Variants in CFTR observed in about 807,000 individuals in gnomAD.
The protein encoded by CFTR is CF transmembrane conductance regulator, also known as cystic fibrosis transmembrane conductance regulator.
A neutral mutation model predicts 171.6 loss-of-function variants in CFTR; 181 were observed. That is an observed-to-expected ratio of 1.05 (90% CI 0.93 to 1.19). CFTR has a LOEUF of 1.19. Ranked by LOEUF, CFTR falls within the 50% of genes most tolerant of loss-of-function variation. The pLI, the probability that CFTR is intolerant of heterozygous loss-of-function variation, is 0.00. For synonymous variants in CFTR, 583 were observed against 608.0 expected, an observed-to-expected ratio of 0.96 and a Z score of 0.60; for missense variants, 1,968 against 1,734.7, an observed-to-expected ratio of 1.13 and a Z score of -2.39.
intron 15 of CFTR, among the ~76,000 whole-genome samples, chr7:117,595,686 C>A (rs2116041393): frequency 6.6e-6 from 1 of 151,930 alleles, no homozygotes. Context: ...GGGTCAAGAC[C>A]AGCCTGGGCA....
chr7:117,592,349 T>C lies in CFTR; in HGVS notation c.2182T>C (p.Ser728Pro). The C allele has an allele frequency of 6.2e-7, 1 of 1,614,214 alleles. No individual in the cohort carries two copies. The highest frequency in any genetic ancestry group is 8.5e-7 in the Non-Finnish European group (1 of 1,180,030). ...ACAAATGAATGGCATCGAAGAGGATTCTGATGAGCCTTTAGAGAGAAGGCT... is the reference window on the plus strand; with the variant it reads ...ACAAATGAATGGCATCGAAGAGGATCCTGATGAGCCTTTAGAGAGAAGGCT... The part of the protein sequence containing the change: ...PLQMNGIEED[S>P]DEPLERRLSL... The change falls in exon 14 of 27, where the codon TCT becomes CCT. Residue 728 changes from serine (S) to proline (P), a missense_variant. Ser to Pro is a moderately conservative substitution (Grantham distance 74). Coordinates refer to ENST00000003084, the MANE Select transcript of CFTR (RefSeq NM_000492.4).
chr7:117,588,904 C>T (rs1016191919), intron 12 of CFTR, among the ~76,000 whole-genome samples: 1 of 152,034 alleles, frequency 6.6e-6, no homozygotes, highest in Non-Finnish European at 1.5e-5. Flanking sequence ...TCAATAGATA[C>T]GGATAATTCA....
intron 11 of CFTR, among the ~76,000 whole-genome samples, chr7:117,571,657 C>T (rs1159128064): frequency 1.3e-5 from 2 of 152,042 alleles, no homozygotes; most frequent in African/African-American, 4.8e-5. Context: ...TCCGAACCTA[C>T]CCCAAACACC....
intron 1 of CFTR, among the ~76,000 whole-genome samples, chr7:117,501,897 G>A (rs922397135): frequency 4.0e-5 from 6 of 150,622 alleles, no homozygotes; most frequent in African/African-American, 1.5e-4. Context: ...GTATTTGAAA[G>A]GTGGACTATA....
chr7:117,548,917 A>T (rs1157751668), intron 10 of CFTR, 94 bp downstream of exon 10: 5 of 1,515,702 alleles, frequency 3.3e-6, no homozygotes, highest in Non-Finnish European at 3.6e-6. Context: ...TTTTTGGAGA[A>T]ATTCTTACAT....
intron 1 of CFTR, 110 bp downstream of exon 1, chr7:117,480,257 G>T (rs953824512): frequency 1.1e-6 from 1 of 929,334 alleles, no homozygotes. Flanking sequence ...AAAAAGATGC[G>T]CTATCATTCA....
At position 117,648,320 on chromosome 7, in the gene CFTR, A is replaced by G. The variant is rs895394181; in HGVS notation, c.3874-4522A>G. Among the ~76,000 whole-genome samples, 8 of 152,096 alleles carry G rather than the reference A, an allele frequency of 5.3e-5. No homozygotes were observed. The highest frequency in any genetic ancestry group is 7.4e-5 in the Non-Finnish European group (5 of 67,982). On this transcript the variant is annotated intron_variant, in intron 23 of 26. Coordinates refer to ENST00000003084, the MANE Select transcript of CFTR (RefSeq NM_000492.4). Reference sequence around the variant, plus strand: ...TTTATTGTTTTTTGTTTGACATCCAATGCTAAAGCATAATGCCTGTTGCAG... The same window carrying G: ...TTTATTGTTTTTTGTTTGACATCCAGTGCTAAAGCATAATGCCTGTTGCAG...
At chr7:117,480,860 AT>A (rs1159387533) in intron 1 of CFTR, among the ~76,000 whole-genome samples, 1 of 152,186 alleles carries the variant, frequency 6.6e-6, no homozygotes, top group Non-Finnish European at 1.5e-5. Flanking sequence ...CTTTAATGAG[AT>A]TTTTTAAAAT....
chr7:117,518,247 C>CTA (rs1352437433), intron 3 of CFTR, among the ~76,000 whole-genome samples: 2 of 147,462 alleles, frequency 1.4e-5, no homozygotes, highest in South Asian at 2.1e-4. Flanking sequence ...TATATAAAAC[C>CTA]TATATATATA....
intron 23 of CFTR, among the ~76,000 whole-genome samples, chr7:117,646,359 T>C (rs1792995071): frequency 2.6e-5 from 4 of 152,018 alleles, no homozygotes; most frequent in African/African-American, 9.7e-5. Flanking sequence ...ACAAAGAAAG[T>C]GATAATTAAG....
At chr7:117,546,240 C>A (rs1194517703) in intron 9 of CFTR, among the ~76,000 whole-genome samples, 5 of 152,040 alleles carry the variant, frequency 3.3e-5, no homozygotes, top group Admixed American at 1.3e-4. Context: ...GATCCACTCG[C>A]CTCGGCCTCC....
In CFTR at chr7:117,667,758, G is replaced by A. The variant is rs942203534; in HGVS notation, c.*650G>A. Reference sequence around the variant, plus strand: ...GAACTTCCAGATCCTGGAAATCAGGGTTAGTATTGTCCAGGTCTACCAAAA... The same window carrying A: ...GAACTTCCAGATCCTGGAAATCAGGATTAGTATTGTCCAGGTCTACCAAAA... On this transcript the variant is annotated 3_prime_UTR_variant, in exon 27 of 27. Coordinates refer to ENST00000003084, the MANE Select transcript of CFTR (RefSeq NM_000492.4). 6.1e-6 allele frequency: 1 copy of A among 163,312 alleles called. No homozygotes were observed. Among genetic ancestry groups the A allele is most frequent in the Non-Finnish European group, 1.3e-5 (1 of 74,090 alleles). The allele number at this position is 163,312 out of a possible 1,614,324, so 10.1% of individuals were successfully genotyped here.
intron 3 of CFTR, among the ~76,000 whole-genome samples, chr7:117,513,169 G>T (rs1291621811): frequency 2.6e-5 from 4 of 152,110 alleles, no homozygotes; most frequent in African/African-American, 7.2e-5. Context: ...ATACATGGGA[G>T]CCTTCAGGAT....
intron 11 of CFTR, among the ~76,000 whole-genome samples, chr7:117,580,469 A>T (rs189310140): frequency 6.6e-6 from 1 of 152,256 alleles, no homozygotes; most frequent in East Asian, 1.9e-4. Flanking sequence ...GAACCTGACA[A>T]TATCTTTTAA....
At chr7:117,653,501 A>G in intron 24 of CFTR, among the ~76,000 whole-genome samples, 1 of 152,142 alleles carries the variant, frequency 6.6e-6, no homozygotes, top group Non-Finnish European at 1.5e-5. Flanking sequence ...TGTCTCTTTT[A>G]CAATGGCACT....
At chr7:117,625,251 C>T (rs1792634909) in intron 21 of CFTR, among the ~76,000 whole-genome samples, 1 of 152,176 alleles carries the variant, frequency 6.6e-6, no homozygotes, top group African/African-American at 2.4e-5. Flanking sequence ...CTTAGAGTCA[C>T]ATTAAGCAGC....
chr7:117,568,193 A>G (rs1051346956), intron 11 of CFTR, among the ~76,000 whole-genome samples: 2 of 152,162 alleles, frequency 1.3e-5, no homozygotes, highest in African/African-American at 2.4e-5. Context: ...AGAAAGGGGT[A>G]TATTGTGAGA....
At chr7:117,504,855 AGAAATGATTTTTTTTCCT>A (rs1377461178) in intron 2 of CFTR, among the ~76,000 whole-genome samples, 1 of 152,076 alleles carries the variant, frequency 6.6e-6, no homozygotes, top group African/African-American at 2.4e-5. Flanking sequence ...CAGTTTCCTA[AGAAATGATTTTTTTTCCT>A]GAAAAATACA....
chr7:117,654,934 G>A (rs187797495), intron 24 of CFTR, among the ~76,000 whole-genome samples: 1 of 152,266 alleles, frequency 6.6e-6, no homozygotes, highest in East Asian at 1.9e-4. Flanking sequence ...AAGGCAGCTT[G>A]GAAGATCTCC....
Sources: allele counts gnomAD v4.1 joint callset (sites outside exome capture counted in the v4.1 genomes callset), GRCh38; gene constraint gnomAD v4.1.1; transcripts MANE v1.5; gene names NCBI Gene and HGNC (gene_info 2026-07-23, HGNC 2026-07-21).